LRMDA: variants seen among roughly 807,000 people sequenced by gnomAD.
LRMDA encodes leucine-rich melanocyte differentiation-associated protein.
LRMDA carries 18 observed loss-of-function variants against 29.8 expected under a neutral mutation model. That is an observed-to-expected ratio of 0.60 (90% CI 0.42 to 0.90). The LOEUF (loss-of-function observed/expected upper bound fraction) is 0.90. LRMDA is among the 40% of genes least tolerant of loss of function. The pLI is 0.00. For missense variants in LRMDA, 273 were observed against 273.9 expected (o/e 1.00, Z 0.02); for synonymous variants, 125 against 109.4 (o/e 1.14, Z -0.89).
chr10:76,393,035 A>G (rs574072834), intron 6 of LRMDA, among the ~76,000 whole-genome samples: 1 of 152,312 alleles, frequency 6.6e-6, no homozygotes, highest in South Asian at 2.1e-4. Context: ...AAGGCTAAAT[A>G]GTAGTTCATT....
chr10:76,260,206 G>A (rs1839915662), intron 5 of LRMDA, among the ~76,000 whole-genome samples: 1 of 152,042 alleles, frequency 6.6e-6, no homozygotes, highest in Middle Eastern at 3.2e-3. Flanking sequence ...TCCCTGTAGT[G>A]ATAGGTTTCT....
intron 6 of LRMDA, among the ~76,000 whole-genome samples, chr10:76,505,401 C>A (rs1842949018): frequency 6.6e-6 from 1 of 151,882 alleles, no homozygotes; most frequent in Non-Finnish European, 1.5e-5. Flanking sequence ...ATGTCAATGA[C>A]TTGTAGGTTT....
intron 2 of LRMDA, among the ~76,000 whole-genome samples, chr10:75,804,072 A>G (rs1194890474): frequency 2.6e-5 from 4 of 152,226 alleles, no homozygotes; most frequent in South Asian, 4.1e-4. Flanking sequence ...TGAGTGAGGT[A>G]GTTGGAAAGG....
chr10:75,776,019 T>C (rs551039140), intron 2 of LRMDA, among the ~76,000 whole-genome samples: 1 of 152,304 alleles, frequency 6.6e-6, no homozygotes, highest in Non-Finnish European at 1.5e-5. Flanking sequence ...ATGAGGCTAC[T>C]ATAATTTGCT....
chr10:75,672,532 TCCCC>T lies in LRMDA; in HGVS notation c.131+234039_131+234042del, dbSNP rs1564536278. Among the ~76,000 whole-genome samples, 6 of 7,018 alleles carry T rather than the reference TCCCC, an allele frequency of 8.5e-4. 1 individual carries two copies. The highest frequency in any genetic ancestry group is 1.4e-3 in the Admixed American group (2 of 1,380). 4.6% of individuals were successfully genotyped at this position (7,018 alleles called of 152,430 possible). ...GTATTTTTCTTTTCTTTTCCTCCCC[TCCCC>T]TCCCCTCCCCTCCCCTCCCCTCCCC... is the stretch of plus-strand genomic sequence containing the variant. On this transcript the variant is annotated intron_variant, in intron 2 of 6. Transcript: ENST00000611255.
At chr10:75,665,096 A>G (rs1841805671) in intron 2 of LRMDA, among the ~76,000 whole-genome samples, 1 of 152,164 alleles carries the variant, frequency 6.6e-6, no homozygotes, top group Non-Finnish European at 1.5e-5. Flanking sequence ...AGAAGAAATA[A>G]TTTTTGCACT....
intron 5 of LRMDA, among the ~76,000 whole-genome samples, chr10:76,175,851 G>A (rs1156336401): frequency 6.6e-6 from 1 of 152,190 alleles, no homozygotes; most frequent in Non-Finnish European, 1.5e-5. Flanking sequence ...AGTGTGAATG[G>A]AGACCTGGGC....
intron 2 of LRMDA, among the ~76,000 whole-genome samples, chr10:75,535,542 T>G (rs1839935734): frequency 6.6e-6 from 1 of 152,186 alleles, no homozygotes; most frequent in South Asian, 2.1e-4. Flanking sequence ...CAATTTCTTT[T>G]CTGTTCCTAG....
At chr10:76,046,873 T>C (rs1051946755) in intron 3 of LRMDA, among the ~76,000 whole-genome samples, 3 of 152,222 alleles carry the variant, frequency 2.0e-5, no homozygotes, top group African/African-American at 7.2e-5. Flanking sequence ...TTTTGGTGTG[T>C]TTTAGAAACA....
At chr10:75,760,272 A>G (rs16932612) in intron 2 of LRMDA, among the ~76,000 whole-genome samples, 3,556 of 152,292 alleles carry the variant, frequency 0.023, 97 homozygotes, top group East Asian at 0.1. Flanking sequence ...GAGTCCCATT[A>G]ATATAGTTCA....
At chr10:76,523,554 C>T (rs1375629351) in intron 6 of LRMDA, among the ~76,000 whole-genome samples, 1 of 152,062 alleles carries the variant, frequency 6.6e-6, no homozygotes, top group Non-Finnish European at 1.5e-5. Context: ...TACTTCTCTG[C>T]CACTTGCTGG....
chr10:76,263,464 A>G (rs1839968072), intron 5 of LRMDA, among the ~76,000 whole-genome samples: 2 of 152,216 alleles, frequency 1.3e-5, no homozygotes, highest in Non-Finnish European at 2.9e-5. Context: ...CATTGTTTCC[A>G]GGTTTGCATG....
rs772927570 is a variant in LRMDA at position 75,933,005 on chromosome 10, G to A, written c.132-103003G>A. 7.9e-5 allele frequency among the ~76,000 whole-genome samples: 12 copies of A among 152,144 alleles called. No individual in the cohort carries two copies. The East Asian group carries it at 1.2e-3, about 15-fold the overall frequency. ...ATTAATTCTTCAGAATCATTCAGGC[G>A]TAGATTCCTTTTGAAAGTGACTTAA... On this transcript the variant is annotated intron_variant, in intron 2 of 6. Transcript: ENST00000611255.
At chr10:75,743,081 G>T (rs1240848720) in intron 2 of LRMDA, among the ~76,000 whole-genome samples, 1 of 152,098 alleles carries the variant, frequency 6.6e-6, no homozygotes, top group Non-Finnish European at 1.5e-5. Flanking sequence ...GAAGATTATG[G>T]TCTGTGTGGA....
At chr10:75,444,485 A>T (rs575094850) in intron 2 of LRMDA, among the ~76,000 whole-genome samples, 1 of 152,238 alleles carries the variant, frequency 6.6e-6, no homozygotes, top group African/African-American at 2.4e-5. Context: ...CAAGTCAGCC[A>T]TAGTGACTGT....
chr10:76,210,661 G>A (rs557000145), intron 5 of LRMDA, among the ~76,000 whole-genome samples: 3 of 152,292 alleles, frequency 2.0e-5, no homozygotes, highest in South Asian at 2.1e-4. Context: ...GGGTAGGGGC[G>A]AGAGGAAGAA....
intron 6 of LRMDA, among the ~76,000 whole-genome samples, chr10:76,428,039 C>T (rs1443678989): frequency 2.0e-5 from 3 of 152,130 alleles, no homozygotes; most frequent in East Asian, 3.9e-4. Context: ...CATCAATGTT[C>T]ATCAGGGATA....
intron 5 of LRMDA, among the ~76,000 whole-genome samples, chr10:76,227,839 T>C (rs1157215813): frequency 6.6e-6 from 1 of 152,056 alleles, no homozygotes; most frequent in Admixed American, 6.6e-5. Flanking sequence ...ATAAGAGGGA[T>C]ATAGAGGTAT....
At chr10:75,790,995 A>T (rs888029611) in intron 2 of LRMDA, among the ~76,000 whole-genome samples, 3 of 152,218 alleles carry the variant, frequency 2.0e-5, no homozygotes, top group African/African-American at 7.2e-5. Context: ...CAGTTAATGT[A>T]ACAGGTTTAA....
Sources: allele counts gnomAD v4.1 joint callset (sites outside exome capture counted in the v4.1 genomes callset), GRCh38; gene constraint gnomAD v4.1.1; transcripts MANE v1.5; gene names NCBI Gene and HGNC (gene_info 2026-07-23, HGNC 2026-07-21).